Variants in WDR36 observed in about 807,000 individuals in gnomAD.
The protein encoded by WDR36 is WD repeat domain 36.
Under a neutral mutation model 112.7 loss-of-function variants are expected in WDR36, and 63 were observed. The ratio of observed to expected loss-of-function variants is 0.56; its 90% confidence interval spans 0.46 to 0.69. WDR36 has a LOEUF of 0.69. Ranked by LOEUF, WDR36 falls within the 30% of genes least tolerant of loss-of-function variation. The pLI is 0.00. For missense variants in WDR36, 1,226 were observed against 1,070.3 expected, an observed-to-expected ratio of 1.15 and a Z score of -2.03; for synonymous variants, 410 against 362.2, an observed-to-expected ratio of 1.13 and a Z score of -1.50.
In WDR36 at chr5:111,105,380, A is replaced by G; in HGVS notation, c.1093+20A>G. 1.2e-6 allele frequency: 2 copies of G among 1,601,172 alleles called. No individual in the cohort carries two copies. Among genetic ancestry groups the G allele is most frequent in the East Asian group, 2.2e-5 (1 of 44,622 alleles). On this transcript the variant is annotated intron_variant, in intron 10 of 22. Transcript: ENST00000513710. Reference sequence around the variant, plus strand: ...GACATGGTAGGTCCTCTACAAGACAAAATAAGCTGGTCACGAAAGAAACAT... The same window carrying G: ...GACATGGTAGGTCCTCTACAAGACAGAATAAGCTGGTCACGAAAGAAACAT...
intron 3 of WDR36, among the ~76,000 whole-genome samples, chr5:111,097,993 T>C (rs1753028570): frequency 6.6e-6 from 1 of 152,234 alleles, no homozygotes; most frequent in Non-Finnish European, 1.5e-5. Flanking sequence ...GAGATATATG[T>C]GATTTACATG....
intron 5 of WDR36, 104 bp downstream of exon 5, chr5:111,100,825 T>G: frequency 8.3e-7 from 1 of 1,205,796 alleles, no homozygotes; most frequent in Non-Finnish European, 1.2e-6. Flanking sequence ...GTATATTTAT[T>G]TGGAGGGTTG....
chr5:111,125,735 G>A lies in WDR36; in HGVS notation c.2478G>A (p.Met826Ile). 6.2e-7 allele frequency: 1 copy of A among 1,613,918 alleles called. No homozygotes were observed. The highest frequency in any genetic ancestry group is 8.5e-7 in the Non-Finnish European group (1 of 1,179,860). The change falls in exon 22 of 23, where the codon ATG (methionine) becomes ATA (isoleucine). Residue 826 changes from methionine (M) to isoleucine (I), a missense_variant. Met to Ile is a conservative substitution (Grantham distance 10). Transcript: ENST00000513710. ...VMQSFLKMIG[M>I]MLDRKRDFEL... ...AGAGCTTCTTGAAAATGATTGGGAT[G>A]ATGCTGGACAGAAAGCGTGATTTTG...
At chr5:111,104,993 A>G (rs745383235) in intron 9 of WDR36, among the ~76,000 whole-genome samples, 176 bp downstream of exon 9, 13 of 151,614 alleles carry the variant, frequency 8.6e-5, no homozygotes, top group Admixed American at 6.6e-5. Context: ...AGATGTTATT[A>G]TCTATGCTTA....
intron 16 of WDR36, 86 bp from the exon 17 acceptor site, chr5:111,118,927 C>G: frequency 9.0e-7 from 1 of 1,106,324 alleles, no homozygotes; most frequent in African/African-American, 1.5e-5. Context: ...TCTCTTATCC[C>G]TTATCTTTTT....
chr5:111,111,307 G>A, intron 15 of WDR36, 29 bp downstream of exon 15: 1 of 1,568,870 alleles, frequency 6.4e-7, no homozygotes, highest in Admixed American at 1.7e-5. Flanking sequence ...AATAAAACTT[G>A]ACTCATTTCT....
intron 16 of WDR36, among the ~76,000 whole-genome samples, chr5:111,116,140 G>T (rs367717352): frequency 6.6e-6 from 1 of 151,528 alleles, no homozygotes; most frequent in Non-Finnish European, 1.5e-5. Flanking sequence ...AATGGAGCTG[G>T]GGTTTCACCA....
chr5:111,119,922 A>G (rs562188183), intron 17 of WDR36, among the ~76,000 whole-genome samples: 9 of 152,168 alleles, frequency 5.9e-5, no homozygotes, highest in African/African-American at 2.2e-4. Flanking sequence ...GCTATTAATA[A>G]CTTGAAACCT....
Position 111,127,308 on chromosome 5 carries a change from AT to A in WDR36, c.*431del, listed in dbSNP as rs1753694811. 1 of 209,386 alleles carries A rather than the reference AT, an allele frequency of 4.8e-6. No homozygotes were observed. Among genetic ancestry groups the A allele is most frequent in the African/African-American group, 2.3e-5 (1 of 44,128 alleles). 13.0% of individuals were successfully genotyped at this position (209,386 alleles called of 1,614,324 possible). A position where few individuals can be genotyped will look rare whatever the true frequency, so the allele number is the denominator to read the frequency against. ...TTTTAAAAAATTATTACCTGCTTAT[AT>A]TTTTTGAGTATCTGTTTCATATAAA... On this transcript the variant is annotated 3_prime_UTR_variant, in exon 23 of 23. Transcript: ENST00000513710.
Position 111,104,288 on chromosome 5 carries a change from C to T in WDR36, c.842C>T (p.Ala281Val), listed in dbSNP as rs768355861. The change falls in exon 8 of 23, where the codon GCC (alanine) becomes GTC (valine). Residue 281 changes from alanine (A) to valine (V), a missense_variant. Ala to Val is a moderately conservative substitution (Grantham distance 64). Coordinates refer to ENST00000513710, the MANE Select transcript of WDR36 (RefSeq NM_139281.3). ...AGAAATGCACACTCTACAGCAATTG[C>T]CGGACTGACATTTCTCCATAGAGAG... ...QMRNAHSTAIAGLTFLHREPL... is the reference protein window; with the variant it reads ...QMRNAHSTAIVGLTFLHREPL... 1 of 1,612,064 alleles carries T rather than the reference C, an allele frequency of 6.2e-7. No homozygotes were observed. The highest frequency in any genetic ancestry group is 1.1e-5 in the South Asian group (1 of 91,054).
chr5:111,103,951 A>C (rs377157116), intron 7 of WDR36, 33 bp downstream of exon 7: 6 of 1,607,978 alleles, frequency 3.7e-6, no homozygotes, highest in Middle Eastern at 2.0e-4. Flanking sequence ...ATAGGAGTTA[A>C]GAACACTTAA....
intron 6 of WDR36, 65 bp from the exon 7 acceptor site, chr5:111,103,721 T>C: frequency 6.3e-7 from 1 of 1,583,462 alleles, no homozygotes; most frequent in Non-Finnish European, 8.7e-7. Context: ...TAATGATGCG[T>C]ATCATCAGGA....
At chr5:111,100,772 C>G (rs1182808480) in intron 5 of WDR36, 51 bp downstream of exon 5, 2 of 1,549,498 alleles carry the variant, frequency 1.3e-6, no homozygotes, top group Non-Finnish European at 8.9e-7. Context: ...TCCTCATCTA[C>G]TACTTCCTAA....
intron 18 of WDR36, 60 bp downstream of exon 18, chr5:111,120,653 A>G: frequency 7.1e-7 from 1 of 1,415,188 alleles, no homozygotes; most frequent in Non-Finnish European, 1.0e-6. Flanking sequence ...AATGTAGGAG[A>G]TATTGCTACC....
rs139541228 is a variant in WDR36 at position 111,119,138 on chromosome 5, G to A, written c.1904+18G>A. On this transcript the variant is annotated intron_variant, in intron 17 of 22. Transcript: ENST00000513710. ...TATCTATGGTAAGTTCTTTCATACA[G>A]TTCTGTTTTGGGATGAAGAAGATTG... 1.8e-5 allele frequency: 28 copies of A among 1,575,324 alleles called. No individual in the cohort carries two copies. In the Admixed American group the frequency reaches 3.2e-4, roughly 18 times the overall value.
At chr5:111,108,454 T>C (rs1226699507) in intron 12 of WDR36, among the ~76,000 whole-genome samples, 2 of 151,432 alleles carry the variant, frequency 1.3e-5, no homozygotes, top group African/African-American at 4.8e-5. Context: ...ACAAATTGCA[T>C]TGTAAGTTTG....
At chr5:111,122,809 C>T (rs559878960) in intron 19 of WDR36, among the ~76,000 whole-genome samples, 1 of 152,114 alleles carries the variant, frequency 6.6e-6, no homozygotes, top group East Asian at 1.9e-4. Flanking sequence ...ACCATAGAAA[C>T]GCTCTTCCAT....
At chr5:111,104,048 A>G in intron 7 of WDR36, 129 bp from the exon 8 acceptor site, 2 of 1,392,134 alleles carry the variant, frequency 1.4e-6, no homozygotes, top group South Asian at 2.6e-5. Flanking sequence ...AAAGGCAAAG[A>G]AATATGAATA....
intron 15 of WDR36, among the ~76,000 whole-genome samples, chr5:111,111,706 A>G (rs1483105653): frequency 4.6e-5 from 7 of 152,016 alleles, no homozygotes; most frequent in South Asian, 4.1e-4. Context: ...TAGAGTTTAC[A>G]TATCTTAACT....
Sources: allele counts gnomAD v4.1 joint callset (sites outside exome capture counted in the v4.1 genomes callset), GRCh38; gene constraint gnomAD v4.1.1; transcripts MANE v1.5; gene names NCBI Gene and HGNC (gene_info 2026-07-23, HGNC 2026-07-21).